The following KIAA1671 variants were observed in gnomAD, a reference collection of about 807,000 sequenced individuals.
The protein encoded by KIAA1671 is uncharacterized protein KIAA1671.
Under a neutral mutation model 131.2 loss-of-function variants are expected in KIAA1671, and 52 were observed. That is an observed-to-expected ratio of 0.40 (90% CI 0.32 to 0.50). The LOEUF (loss-of-function observed/expected upper bound fraction) is 0.50, where lower values mean the gene tolerates loss of function less well. KIAA1671 is among the 20% of genes least tolerant of loss of function. The pLI is 0.73. For synonymous variants in KIAA1671, 1,003 were observed against 961.6 expected, an observed-to-expected ratio of 1.04 and a Z score of -0.80; for missense variants, 2,360 against 2,364.2, an observed-to-expected ratio of 1.00 and a Z score of 0.04.
chr22:24,996,333 C>G (rs1018899879), intron 1 of KIAA1671, among the ~76,000 whole-genome samples: 5 of 151,988 alleles, frequency 3.3e-5, no homozygotes, highest in African/African-American at 7.2e-5. Flanking sequence ...GCATCGGGAA[C>G]CAGCGAGGAG....
At chr22:25,069,596 C>T (rs894927930) in intron 6 of KIAA1671, among the ~76,000 whole-genome samples, 7 of 152,174 alleles carry the variant, frequency 4.6e-5, no homozygotes, top group African/African-American at 1.2e-4. Flanking sequence ...CAACTCACCG[C>T]GTGACCTTGG....
At chr22:25,192,298 G>A (rs1220926731) in intron 12 of KIAA1671, 108 bp from the exon 13 acceptor site, 1 of 152,052 alleles carries the variant, frequency 6.6e-6, no homozygotes, top group Non-Finnish European at 1.5e-5. Flanking sequence ...AGGCTTCTAG[G>A]GGTGACTTCA....
intron 1 of KIAA1671, among the ~76,000 whole-genome samples, chr22:25,004,717 C>T (rs188446861): frequency 0.016 from 2,386 of 148,578 alleles, 36 homozygotes; most frequent in Middle Eastern, 0.034. Context: ...GAGGCCGAGG[C>T]GGGCAGATCA....
chr22:25,042,738 G>A (rs2145810211), intron 5 of KIAA1671, among the ~76,000 whole-genome samples: 2 of 152,146 alleles, frequency 1.3e-5, no homozygotes, highest in South Asian at 4.2e-4. Context: ...CTCCCAAAGT[G>A]CTGGGATTAC....
At chr22:25,105,690 C>G (rs927364456) in intron 6 of KIAA1671, among the ~76,000 whole-genome samples, 3 of 152,182 alleles carry the variant, frequency 2.0e-5, no homozygotes, top group Non-Finnish European at 2.9e-5. Flanking sequence ...GCACCCCTCT[C>G]CCCTTTCTGG....
chr22:24,966,594 T>C (rs1476506458), intron 1 of KIAA1671, among the ~76,000 whole-genome samples: 1 of 152,208 alleles, frequency 6.6e-6, no homozygotes, highest in Non-Finnish European at 1.5e-5. Context: ...CTCACCTGCA[T>C]ACCTGGGACT....
intron 1 of KIAA1671, among the ~76,000 whole-genome samples, chr22:25,021,437 T>G (rs1003504317): frequency 3.3e-5 from 5 of 151,994 alleles, no homozygotes; most frequent in Non-Finnish European, 1.5e-5. Context: ...TTTCTGTCAC[T>G]TATGTAACAT....
At chr22:25,063,827 C>T (rs1383801887) in intron 6 of KIAA1671, 1 of 152,154 alleles carries the variant, frequency 6.6e-6, no homozygotes, top group Non-Finnish European at 1.5e-5. Flanking sequence ...TATTGGGACA[C>T]CTGGACTCTG....
chr22:25,161,398 G>A (rs9612879), intron 6 of KIAA1671, among the ~76,000 whole-genome samples: 16,127 of 152,322 alleles, frequency 0.11, 927 homozygotes, highest in East Asian at 0.16. Context: ...GCCATCTGAA[G>A]GATGAGTGGG....
intron 1 of KIAA1671, among the ~76,000 whole-genome samples, chr22:25,004,922 G>A (rs1924664987): frequency 6.6e-6 from 1 of 151,684 alleles, no homozygotes; most frequent in African/African-American, 2.4e-5. Context: ...CTCCAGCCTG[G>A]GCAACAGAGT....
chr22:25,183,765 G>A (rs867807185), intron 10 of KIAA1671, among the ~76,000 whole-genome samples: 7 of 151,042 alleles, frequency 4.6e-5, no homozygotes, highest in East Asian at 2.0e-4. Flanking sequence ...CTCCTGATCC[G>A]CCTGCCTCGG....
intron 1 of KIAA1671, among the ~76,000 whole-genome samples, chr22:24,994,184 A>T (rs947491465): frequency 6.6e-6 from 1 of 152,132 alleles, no homozygotes; most frequent in Non-Finnish European, 1.5e-5. Flanking sequence ...GTGTCTCCCC[A>T]CTGTGTCACG....
At chr22:24,991,846 CAG>C (rs1431334420) in intron 1 of KIAA1671, among the ~76,000 whole-genome samples, 1 of 152,030 alleles carries the variant, frequency 6.6e-6, no homozygotes, top group Admixed American at 6.6e-5. Flanking sequence ...AATCTCCATT[CAG>C]AGTTTATTTT....
At position 25,043,404 on chromosome 22, in the gene KIAA1671, G is replaced by A. The variant is rs1463663238; in HGVS notation, c.4395+1879G>A. On this transcript the variant is annotated intron_variant, in intron 5 of 12. Coordinates refer to ENST00000358431, the MANE Select transcript of KIAA1671 (RefSeq NM_001145206.2). ...ATGGGGGGAAAAAAACAGAGGCTCA[G>A]AGAGGTGAAATAACTTGTCCCAGGT... Among the ~76,000 whole-genome samples, 4 of 152,182 alleles carry A rather than the reference G, an allele frequency of 2.6e-5. No homozygotes were observed. The East Asian group carries it at 7.7e-4, about 29-fold the overall frequency.
intron 6 of KIAA1671, among the ~76,000 whole-genome samples, chr22:25,090,318 A>G (rs1401014065): frequency 2.0e-5 from 3 of 152,244 alleles, no homozygotes; most frequent in African/African-American, 4.8e-5. Flanking sequence ...AGAAGCCCAC[A>G]ATGGCAGGCT....
intron 1 of KIAA1671, among the ~76,000 whole-genome samples, chr22:24,977,769 G>A (rs371059983): frequency 1.1e-4 from 16 of 152,272 alleles, no homozygotes; most frequent in African/African-American, 3.9e-4. Flanking sequence ...CTCTGGGCAG[G>A]GACATTTTAT....
intron 6 of KIAA1671, chr22:25,063,237 T>G (rs1446591444): frequency 6.6e-6 from 1 of 152,174 alleles, no homozygotes; most frequent in Non-Finnish European, 1.5e-5. Flanking sequence ...TAAGTTTTTC[T>G]TATAGAGGAG....
rs1293140070 is a variant in KIAA1671 at position 25,049,536 on chromosome 22, G to GA, written c.4530+173dup. On this transcript the variant is annotated intron_variant, in intron 6 of 12. Transcript: ENST00000358431. The stretch of plus-strand genomic sequence containing the variant: ...CCTGACTAGCTGTGTTGTGGTTCTT[G>GA]ATGTGGAGGGTGTTTGGTGGCTCTG... 3.5e-5 allele frequency: 24 copies of GA among 681,786 alleles called. No individual in the cohort carries two copies. The African/African-American group carries it at 3.6e-4, about 10-fold the overall frequency. The allele number at this position is 681,786 out of a possible 1,614,324, so 42.2% of individuals were successfully genotyped here. A position where few individuals can be genotyped will look rare whatever the true frequency, so the allele number is the denominator to read the frequency against.
chr22:25,190,986 G>A (rs1181616250), intron 12 of KIAA1671, among the ~76,000 whole-genome samples: 1 of 152,090 alleles, frequency 6.6e-6, no homozygotes, highest in African/African-American at 2.4e-5. Context: ...AGAAAACAAA[G>A]CTGGGCTGCC....
Sources: gnomAD v4.1 joint callset for allele counts (sites outside exome capture counted in the v4.1 genomes callset) on GRCh38, gnomAD v4.1.1 for gene constraint, MANE v1.5 for transcripts, NCBI Gene and HGNC (gene_info 2026-07-23, HGNC 2026-07-21) for gene names.